CPNE8: variants seen among roughly 807,000 people sequenced by gnomAD.
The protein encoded by CPNE8 is copine 8.
Under a neutral mutation model 81.5 loss-of-function variants are expected in CPNE8, and 45 were observed. The observed-to-expected ratio is 0.55, with a 90% CI of 0.44 to 0.71. CPNE8 has a LOEUF of 0.71. Among genes scored for constraint, CPNE8 ranks in the 30% least tolerant of loss-of-function variants. The pLI is 0.00. For missense variants in CPNE8, 594 were observed against 672.1 expected (o/e 0.88, Z 1.28); for synonymous variants, 252 against 226.3 (o/e 1.11, Z -1.02).
chr12:38,699,159 T>C (rs902803729), intron 14 of CPNE8, among the ~76,000 whole-genome samples: 1 of 152,196 alleles, frequency 6.6e-6, no homozygotes, highest in Non-Finnish European at 1.5e-5. Context: ...CAAAAAATAA[T>C]TTGCACTTAT....
intron 14 of CPNE8, among the ~76,000 whole-genome samples, chr12:38,701,957 T>G (rs79304211): frequency 0.031 from 4,719 of 152,314 alleles, 219 homozygotes; most frequent in East Asian, 0.13. Flanking sequence ...GTCAAGTGTG[T>G]TTATTAGTAA....
chr12:38,825,216 G>A (rs17126713), intron 6 of CPNE8, among the ~76,000 whole-genome samples: 12,167 of 152,182 alleles, frequency 0.08, 627 homozygotes, highest in East Asian at 0.28. Flanking sequence ...TTCCTGTCAC[G>A]AGAAGAAAAC....
chr12:38,797,693 G>T (rs138312036), intron 6 of CPNE8, among the ~76,000 whole-genome samples: 1,963 of 152,290 alleles, frequency 0.013, 50 homozygotes, highest in African/African-American at 0.044. Flanking sequence ...AACAAAGCTG[G>T]ACGGAGAATG....
rs1941677304 is a variant in CPNE8, at chr12:38,765,884, G to GT, written c.575+1750dup. Among the ~76,000 whole-genome samples, 8 of 150,642 alleles carry GT rather than the reference G, an allele frequency of 5.3e-5. No individual in the cohort carries two copies. The South Asian group carries it at 1.7e-3, about 31-fold the overall frequency. On this transcript the variant is annotated intron_variant, in intron 8 of 19. Transcript: ENST00000331366. ...TTTTATTTTTTTTTTTTAAGATGGA[G>GT]TTTCACTCTTTTTGCCCAGGCTAGA... is the stretch of plus-strand genomic sequence containing the variant.
chr12:38,845,405 A>T (rs551008954), intron 4 of CPNE8, among the ~76,000 whole-genome samples: 1 of 152,114 alleles, frequency 6.6e-6, no homozygotes, highest in Non-Finnish European at 1.5e-5. Context: ...TAATCTCTGT[A>T]TGTATTTACT....
rs556954445 is a variant in CPNE8, at chr12:38,900,580, G to A, written c.98+4857C>T. ...ACTTTGGGACTAATCCAGTTTAGGA[G>A]CACAGCCTAATCCAGAAAAGAAGGG... On this transcript the variant is annotated intron_variant, in intron 1 of 19. Coordinates refer to ENST00000331366, the MANE Select transcript of CPNE8 (RefSeq NM_153634.3). Among the ~76,000 whole-genome samples, 14 of 152,300 alleles carry A rather than the reference G, an allele frequency of 9.2e-5. No individual in the cohort carries two copies. In the South Asian group the frequency reaches 2.7e-3, roughly 29 times the overall value.
chr12:38,868,096 A>T (rs917962839), intron 3 of CPNE8, among the ~76,000 whole-genome samples: 8 of 152,132 alleles, frequency 5.3e-5, no homozygotes, highest in Admixed American at 5.2e-4. Flanking sequence ...TGTTATATAC[A>T]TGCTTTTCCA....
intron 10 of CPNE8, among the ~76,000 whole-genome samples, chr12:38,742,332 G>A (rs773904565): frequency 1.6e-4 from 25 of 152,060 alleles, no homozygotes; most frequent in Non-Finnish European, 2.4e-4. Flanking sequence ...TATACACCAC[G>A]GAATACTATG....
chr12:38,698,909 T>C (rs1592018623), intron 14 of CPNE8, among the ~76,000 whole-genome samples: 1 of 152,248 alleles, frequency 6.6e-6, no homozygotes, highest in Admixed American at 6.5e-5. Flanking sequence ...AATTTCCGTA[T>C]GAATTTCCTC....
At chr12:38,739,488 G>T (rs1003738214) in intron 10 of CPNE8, among the ~76,000 whole-genome samples, 1 of 152,088 alleles carries the variant, frequency 6.6e-6, no homozygotes, top group Non-Finnish European at 1.5e-5. Flanking sequence ...TAGGTAACTT[G>T]TTCCTAAAAC....
intron 3 of CPNE8, among the ~76,000 whole-genome samples, chr12:38,860,561 TC>T (rs755964315): frequency 5.5e-4 from 49 of 89,856 alleles, no homozygotes; most frequent in Admixed American, 2.7e-3. Flanking sequence ...TGAGTATATA[TC>T]AAAAAAAAAA....
intron 10 of CPNE8, among the ~76,000 whole-genome samples, chr12:38,758,917 T>C (rs1008164791): frequency 4.6e-5 from 7 of 152,166 alleles, no homozygotes; most frequent in Non-Finnish European, 1.5e-5. Context: ...ATCTATAATT[T>C]CAGCAAATTT....
At chr12:38,720,077 C>T (rs117986851) in intron 13 of CPNE8, among the ~76,000 whole-genome samples, 6,032 of 152,162 alleles carry the variant, frequency 0.04, 174 homozygotes, top group Middle Eastern at 0.068. Flanking sequence ...GCTCCACCTC[C>T]CCAGAACTGG....
intron 1 of CPNE8, among the ~76,000 whole-genome samples, chr12:38,902,773 C>T (rs966244896): frequency 1.3e-5 from 2 of 152,192 alleles, no homozygotes; most frequent in Non-Finnish European, 2.9e-5. Context: ...ATACCTGAAT[C>T]ATATATAACA....
chr12:38,730,428 A>G (rs901101794), intron 10 of CPNE8, 70 bp from the exon 11 acceptor site: 10 of 834,168 alleles, frequency 1.2e-5, no homozygotes, highest in Non-Finnish European at 1.8e-5. Context: ...TAAAGTTTTT[A>G]GAAAGGTTTA....
At chr12:38,902,782 C>A (rs1370302654) in intron 1 of CPNE8, among the ~76,000 whole-genome samples, 1 of 152,212 alleles carries the variant, frequency 6.6e-6, no homozygotes, top group African/African-American at 2.4e-5. Flanking sequence ...TCATATATAA[C>A]ACATTTATTC....
chr12:38,746,945 A>G (rs1045602570), intron 10 of CPNE8, among the ~76,000 whole-genome samples: 2 of 152,192 alleles, frequency 1.3e-5, no homozygotes, highest in Non-Finnish European at 2.9e-5. Context: ...AACATCTAAG[A>G]CGTGGTTTTT....
At chr12:38,771,166 A>G (rs955418905) in intron 7 of CPNE8, among the ~76,000 whole-genome samples, 6 of 152,140 alleles carry the variant, frequency 3.9e-5, no homozygotes, top group Non-Finnish European at 8.8e-5. Flanking sequence ...CTTTTAAAAT[A>G]CTACATAAAA....
chr12:38,874,753 A>G (rs979648610), intron 1 of CPNE8, among the ~76,000 whole-genome samples: 1 of 152,130 alleles, frequency 6.6e-6, no homozygotes, highest in Non-Finnish European at 1.5e-5. Context: ...CTTTCATTCC[A>G]CTTAACCAAT....
Sources: allele counts gnomAD v4.1 joint callset (sites outside exome capture counted in the v4.1 genomes callset), GRCh38; gene constraint gnomAD v4.1.1; transcripts MANE v1.5; gene names NCBI Gene and HGNC (gene_info 2026-07-23, HGNC 2026-07-21).